The following ATP2A3 variants were observed in gnomAD, a reference collection of about 807,000 sequenced individuals.
The protein encoded by ATP2A3 is ATPase sarcoplasmic/endoplasmic reticulum Ca2+ transporting 3.
Under a neutral mutation model 106.8 loss-of-function variants are expected in ATP2A3, and 61 were observed. The ratio of observed to expected loss-of-function variants is 0.57; its 90% CI spans 0.46 to 0.71. ATP2A3 has a LOEUF of 0.71. Ranked by LOEUF, ATP2A3 falls within the 30% of genes least tolerant of loss-of-function variation. The pLI is 0.00. For missense variants in ATP2A3, 1,201 were observed against 1,423.5 expected (o/e 0.84, Z 2.52); for synonymous variants, 611 against 609.3 (o/e 1.00, Z -0.04).
intron 10 of ATP2A3, among the ~76,000 whole-genome samples, chr17:3,944,141 G>C (rs1044376777): frequency 6.6e-6 from 1 of 152,208 alleles, no homozygotes; most frequent in Non-Finnish European, 1.5e-5. Context: ...AGGCCTCCCT[G>C]GCTTCGGTCC....
chr17:3,959,465 C>T (rs2055014810), intron 1 of ATP2A3, among the ~76,000 whole-genome samples: 3 of 152,168 alleles, frequency 2.0e-5, no homozygotes, highest in Admixed American at 6.5e-5. Flanking sequence ...AGGCCAGGGC[C>T]CTGAGCCCAC....
At chr17:3,958,741 TAGACACAC>T (rs2054934390) in intron 1 of ATP2A3, among the ~76,000 whole-genome samples, 4 of 65,582 alleles carry the variant, frequency 6.1e-5, no homozygotes, top group Non-Finnish European at 9.7e-5. Context: ...CACATATATA[TAGACACAC>T]ATATATATAC....
In ATP2A3 at chr17:3,941,257, G is replaced by A; in HGVS notation, c.1814C>T (p.Pro605Leu). The A allele has an allele frequency of 6.2e-7, 1 of 1,613,832 alleles. No homozygotes were observed. The highest frequency in any genetic ancestry group is 8.5e-7 in the Non-Finnish European group (1 of 1,180,002). The change falls in exon 14 of 21, where the codon CCT (proline) becomes CTT (leucine). Residue 605 changes from proline to leucine, a missense_variant. This residue lies in a region of ATP2A3 where 935 missense variants were observed against 1,176.7 expected (regional missense o/e 0.79). Transcript: ENST00000397041. ...GCGTGTGATGCAGGCAGCCACCTCA[G>A]GTCGCGGCGGGTCCAGCATGCCTAC... ...GCVGMLDPPR[P>L]EVAACITRCY...
Position 3,932,953 on chromosome 17 carries a change from G to A in ATP2A3, c.2610+2239C>T, listed in dbSNP as rs1198792594. Among the ~76,000 whole-genome samples, 10 of 151,704 alleles carry A rather than the reference G, an allele frequency of 6.6e-5. 1 individual carries two copies. The highest frequency in any genetic ancestry group is 2.1e-4 in the South Asian group (1 of 4,828). ...ATGTGAATGCTTAAGACGCTTATGC[G>A]TCTACACAGAGAAGAAAATACCAAC... On this transcript the variant is annotated intron_variant, in intron 17 of 20. Transcript: ENST00000397041.
chr17:3,958,869 T>TATACAC (rs71144150), intron 1 of ATP2A3, among the ~76,000 whole-genome samples: 2 of 77,444 alleles, frequency 2.6e-5, no homozygotes, highest in African/African-American at 1.3e-4. Context: ...TATATATATA[T>TATACAC]ACACACACAC....
rs1431604649 is a variant in ATP2A3 at position 3,950,774 on chromosome 17, C to T, written c.464-1G>A. The T allele has an allele frequency of 1.2e-6, 2 of 1,612,926 alleles. No homozygotes were observed. Among genetic ancestry groups the T allele is most frequent in the Non-Finnish European group, 1.7e-6 (2 of 1,179,876 alleles). On this transcript the variant is annotated splice_acceptor_variant, in intron 5 of 20. Transcript: ENST00000397041. LOFTEE classifies it high-confidence loss of function. ...AGGTCAGCAGGCACTTTGTCCCCCA[C>T]TGTGCGGGGAGAATGGCTTGGCTGA...
chr17:3,946,496 A>T (rs1055229356), intron 8 of ATP2A3, among the ~76,000 whole-genome samples: 3 of 152,108 alleles, frequency 2.0e-5, no homozygotes, highest in African/African-American at 7.2e-5. Flanking sequence ...CAGAGGTTGC[A>T]GTGAGCTCAG....
chr17:3,958,717 TAC>T (rs1278285962), intron 1 of ATP2A3, among the ~76,000 whole-genome samples: 3 of 95,824 alleles, frequency 3.1e-5, no homozygotes, highest in Admixed American at 1.1e-4. Flanking sequence ...TATATATATA[TAC>T]ACATATATAT....
Position 3,958,857 on chromosome 17 carries a change from T to TACAC in ATP2A3, c.119-5148_119-5147insGTGT, listed in dbSNP as rs1339261261. Reference sequence around the variant, plus strand: ...ACACACACACATATATAAATATATATATATATATATATACACACACACACA... The same window carrying TACAC: ...ACACACACACATATATAAATATATATACACATATATATATATACACACACACACA... On this transcript the variant is annotated intron_variant, in intron 1 of 20. Transcript: ENST00000397041. 6.4e-5 allele frequency among the ~76,000 whole-genome samples: 7 copies of TACAC among 109,852 alleles called. 1 individual carries two copies. The South Asian group carries it at 1.3e-3, about 20-fold the overall frequency. The allele number at this position is 109,852 out of a possible 152,430, so 72.1% of individuals were successfully genotyped here.
At chr17:3,949,499 A>T (rs1410424992) in intron 7 of ATP2A3, among the ~76,000 whole-genome samples, 1 of 152,062 alleles carries the variant, frequency 6.6e-6, no homozygotes, top group Non-Finnish European at 1.5e-5. Context: ...CTTCCTCTAG[A>T]GCATTTCTAT....
chr17:3,943,297 C>T, intron 11 of ATP2A3, 94 bp downstream of exon 11: 21 of 1,484,052 alleles, frequency 1.4e-5, no homozygotes, highest in Non-Finnish European at 1.8e-5. Context: ...CAAAACGAAA[C>T]AAAACAAAAA....
rs764931558 is a variant in ATP2A3 at position 3,928,642 on chromosome 17, G to C, written c.2980+21C>G. 4 of 1,537,538 alleles carry C rather than the reference G, an allele frequency of 2.6e-6. No homozygotes were observed. In the East Asian group the frequency reaches 9.8e-5, roughly 38 times the overall value. On this transcript the variant is annotated intron_variant, in intron 20 of 20. Transcript: ENST00000397041. The surrounding 1 kb of genome is among the most constrained non-coding windows in gnomAD (Gnocchi z 6.1). Reference sequence around the variant, plus strand: ...GCGGGCGGGGAGGCAGGCTGGAGGCGGGACGGGGCCTCCCACTCACCGTGC... The same window carrying C: ...GCGGGCGGGGAGGCAGGCTGGAGGCCGGACGGGGCCTCCCACTCACCGTGC...
chr17:3,933,734 TCAAA>T (rs947741084), intron 17 of ATP2A3, among the ~76,000 whole-genome samples: 5 of 151,004 alleles, frequency 3.3e-5, no homozygotes, highest in Non-Finnish European at 7.4e-5. Context: ...AGACTCCATC[TCAAA>T]CAAACAAACA....
At position 3,958,809 on chromosome 17, in the gene ATP2A3, T is replaced by C. The variant is rs1158119294; in HGVS notation, c.119-5099A>G. On this transcript the variant is annotated intron_variant, in intron 1 of 20. Transcript: ENST00000397041. ...ATATATACACATATATATACACACA[T>C]ATATATATACACACATATATATACA... 8.4e-4 allele frequency among the ~76,000 whole-genome samples: 117 copies of C among 140,006 alleles called. 2 individuals are homozygous for C. Among genetic ancestry groups the C allele is most frequent in the African/African-American group, 2.7e-3 (103 of 37,766 alleles). 91.8% of individuals were successfully genotyped at this position (140,006 alleles called of 152,430 possible). A position where few individuals can be genotyped will look rare whatever the true frequency, so the allele number is the denominator to read the frequency against.
intron 17 of ATP2A3, 88 bp downstream of exon 17, chr17:3,935,104 C>T: frequency 7.4e-7 from 1 of 1,359,030 alleles, no homozygotes; most frequent in East Asian, 2.3e-5. Flanking sequence ...CACTGCAGGC[C>T]ACCCATGCGG....
chr17:3,942,542 G>A (rs1286248590), intron 12 of ATP2A3, 64 bp downstream of exon 12: 2 of 1,586,862 alleles, frequency 1.3e-6, no homozygotes, highest in East Asian at 2.2e-5. Context: ...GGCTCACAGA[G>A]GAGCGTGGAT....
Position 3,955,021 on chromosome 17 carries a change from G to A in ATP2A3, c.119-1311C>T, listed in dbSNP as rs897866579. Among the ~76,000 whole-genome samples, 13 of 152,288 alleles carry A rather than the reference G, an allele frequency of 8.5e-5. No homozygotes were observed. Among genetic ancestry groups the A allele is most frequent in the South Asian group, 2.1e-4 (1 of 4,828 alleles). On this transcript the variant is annotated intron_variant, in intron 1 of 20. Coordinates refer to ENST00000397041, the MANE Select transcript of ATP2A3 (RefSeq NM_005173.4). This position sits in a 1 kb window ranked among gnomAD's most constrained non-coding sequence, Gnocchi z 4.2. ...GGGTCTGTGTGGGGATGAGAGGGGC[G>A]GGAGCCAGGCTCTGCAGGGTGGGCT...
chr17:3,924,811 T>A lies in ATP2A3; in HGVS notation c.*611A>T, dbSNP rs1333301448. ...TTCACCCGCCCGGGCCCTGCACATA[T>A]AAACAGAAGCAGCCTCGAGCTCTCG... is the stretch of plus-strand genomic sequence containing the variant. On this transcript the variant is annotated 3_prime_UTR_variant, in exon 21 of 21. Coordinates refer to ENST00000397041, the MANE Select transcript of ATP2A3 (RefSeq NM_005173.4). This position sits in a 1 kb window ranked among gnomAD's most constrained non-coding sequence, Gnocchi z 6.4. 4.4e-6 allele frequency: 2 copies of A among 456,446 alleles called. No homozygotes were observed. Among genetic ancestry groups the A allele is most frequent in the African/African-American group, 4.0e-5 (2 of 50,038 alleles). The allele number at this position is 456,446 out of a possible 1,614,324, so 28.3% of individuals were successfully genotyped here. A position where few individuals can be genotyped will look rare whatever the true frequency, so the allele number is the denominator to read the frequency against.
intron 12 of ATP2A3, 67 bp downstream of exon 12, chr17:3,942,522 GGAGGACTGGGGCTCACA>G: frequency 6.4e-7 from 1 of 1,558,288 alleles, no homozygotes; most frequent in Non-Finnish European, 8.7e-7. Flanking sequence ...CATTCACACG[GGAGGACTGGGGCTCACA>G]GAGGAGCGTG....
Sources: gnomAD v4.1 joint callset for allele counts (sites outside exome capture counted in the v4.1 genomes callset) on GRCh38, gnomAD v4.1.1 for gene constraint, gnomAD v4.1.1 regional missense constraint, Gnocchi (gnomAD v3.1) non-coding constraint, MANE v1.5 for transcripts, NCBI Gene and HGNC (gene_info 2026-07-23, HGNC 2026-07-21) for gene names.